The following GDPD5 variants were observed in gnomAD, a reference collection of about 807,000 sequenced individuals.
GDPD5 encodes glycerophosphodiester phosphodiesterase 2.
Under a neutral mutation model 75.1 loss-of-function variants are expected in GDPD5, and 48 were observed. The observed-to-expected ratio is 0.64, with a 90% CI of 0.51 to 0.81. The LOEUF (loss-of-function observed/expected upper bound fraction) is 0.81. GDPD5 is among the 40% of genes least tolerant of loss of function. The pLI, the probability that GDPD5 is intolerant of heterozygous loss-of-function variation, is 0.00. For synonymous variants in GDPD5, 336 were observed against 339.0 expected (o/e 0.99, Z 0.10); for missense variants, 706 against 822.6 (o/e 0.86, Z 1.73).
intron 2 of GDPD5, among the ~76,000 whole-genome samples, chr11:75,485,137 G>T (rs1322859607): frequency 2.0e-5 from 3 of 152,180 alleles, no homozygotes; most frequent in Non-Finnish European, 4.4e-5. Context: ...TTCTAGAAAA[G>T]GCAAAACTAT....
intron 1 of GDPD5, among the ~76,000 whole-genome samples, chr11:75,498,524 C>T (rs1429678221): frequency 1.1e-4 from 6 of 54,144 alleles, no homozygotes; most frequent in Non-Finnish European, 1.7e-4. Flanking sequence ...TGATGCCCTC[C>T]GGGCTGGGTG....
At chr11:75,495,586 T>C (rs1411082212) in intron 1 of GDPD5, among the ~76,000 whole-genome samples, 1 of 152,226 alleles carries the variant, frequency 6.6e-6, no homozygotes, top group African/African-American at 2.4e-5. Flanking sequence ...TCACTCGCAG[T>C]CAAATAAAAC....
chr11:75,512,679 G>T (rs1426440767), intron 1 of GDPD5, among the ~76,000 whole-genome samples: 1 of 152,190 alleles, frequency 6.6e-6, no homozygotes, highest in Admixed American at 6.5e-5. Flanking sequence ...ACTTTGGGAG[G>T]CCGAGGCAGG....
chr11:75,497,486 G>T (rs1950232191), intron 1 of GDPD5, among the ~76,000 whole-genome samples: 1 of 152,150 alleles, frequency 6.6e-6, no homozygotes, highest in Admixed American at 6.5e-5. Context: ...CTCCTGGACA[G>T]TGAGGGGGCT....
chr11:75,482,453 G>A (rs920714634), intron 2 of GDPD5, among the ~76,000 whole-genome samples: 3 of 152,198 alleles, frequency 2.0e-5, no homozygotes, highest in African/African-American at 2.4e-5. Context: ...TGTCTCCAGC[G>A]GTGTCACCCA....
intron 1 of GDPD5, among the ~76,000 whole-genome samples, chr11:75,494,866 C>T (rs569511345): frequency 5.9e-5 from 9 of 151,974 alleles, no homozygotes; most frequent in South Asian, 4.2e-4. Flanking sequence ...GCAGGAGAAT[C>T]GCTTGAATCA....
intron 1 of GDPD5, among the ~76,000 whole-genome samples, chr11:75,509,826 C>A (rs1006385158): frequency 6.6e-6 from 1 of 152,150 alleles, no homozygotes; most frequent in Admixed American, 6.5e-5. Flanking sequence ...ATTACAGGCA[C>A]GCACCACCAA....
chr11:75,459,623 C>T (rs532828832), intron 4 of GDPD5, among the ~76,000 whole-genome samples: 17 of 151,994 alleles, frequency 1.1e-4, no homozygotes, highest in Non-Finnish European at 2.1e-4. Flanking sequence ...GAGATCAAGA[C>T]CACGGTGAAA....
chr11:75,505,450 TCA>T (rs1950377351), intron 1 of GDPD5, among the ~76,000 whole-genome samples: 1 of 151,716 alleles, frequency 6.6e-6, no homozygotes, highest in Non-Finnish European at 1.5e-5. Context: ...CCAGGCCCAC[TCA>T]CTGCATGACC....
intron 1 of GDPD5, among the ~76,000 whole-genome samples, chr11:75,507,740 C>T (rs894213512): frequency 1.3e-5 from 2 of 152,246 alleles, no homozygotes; most frequent in African/African-American, 2.4e-5. Flanking sequence ...CTGACCCTGT[C>T]AGATGCTGGG....
intron 1 of GDPD5, among the ~76,000 whole-genome samples, chr11:75,495,033 C>G (rs534924052): frequency 6.6e-6 from 1 of 151,450 alleles, no homozygotes; most frequent in East Asian, 1.9e-4. Flanking sequence ...TTTGGGAGAC[C>G]GAGGCGGGCA....
At chr11:75,481,144 A>G (rs1161563870) in intron 2 of GDPD5, among the ~76,000 whole-genome samples, 1 of 152,176 alleles carries the variant, frequency 6.6e-6, no homozygotes, top group Non-Finnish European at 1.5e-5. Context: ...GGAGGGTCAG[A>G]GTATGCTCCC....
chr11:75,520,272 G>A (rs921651817), intron 1 of GDPD5, among the ~76,000 whole-genome samples: 2 of 152,230 alleles, frequency 1.3e-5, no homozygotes, highest in Admixed American at 1.3e-4. Context: ...GAAGACTCAT[G>A]CTGATGGAGT....
chr11:75,470,620 AT>A (rs1242718441), intron 3 of GDPD5, among the ~76,000 whole-genome samples: 1 of 152,222 alleles, frequency 6.6e-6, no homozygotes, highest in Non-Finnish European at 1.5e-5. Context: ...GAAGACTAGA[AT>A]TTCTTTTACA....
At position 75,441,797 on chromosome 11, in the gene GDPD5, A is replaced by C; in HGVS notation, c.1174T>G (p.Trp392Gly). Residue 392 changes from tryptophan to glycine, a missense_variant, in exon 13 of 17, where the codon TGG (tryptophan) becomes GGG (glycine). Transcript: ENST00000336898. ...HSGFPQHQVM[W>G]LPSRQRPLVR... is the part of the protein sequence containing the mutation. The stretch of plus-strand genomic sequence containing the variant: ...AGGGGCCTCTGCCTGCTAGGCAGCC[A>C]CATGACCTGCAGGCAGAAGAGAGGC... The C allele has an allele frequency of 6.2e-7, 1 of 1,607,926 alleles. No individual in the cohort carries two copies. Among genetic ancestry groups the C allele is most frequent in the Non-Finnish European group, 8.5e-7 (1 of 1,179,384 alleles).
chr11:75,440,483 C>T, intron 14 of GDPD5, among the ~76,000 whole-genome samples: 1 of 152,216 alleles, frequency 6.6e-6, no homozygotes. Context: ...GGAGCCACCA[C>T]CTATCTGCAG....
chr11:75,444,247 T>A (rs1441542407), intron 10 of GDPD5, among the ~76,000 whole-genome samples, 166 bp downstream of exon 10: 1 of 152,152 alleles, frequency 6.6e-6, no homozygotes, highest in Non-Finnish European at 1.5e-5. Flanking sequence ...CTATTTTACA[T>A]CCTGGAGTCT....
intron 9 of GDPD5, among the ~76,000 whole-genome samples, chr11:75,446,727 C>T (rs1180678925): frequency 6.6e-6 from 1 of 152,126 alleles, no homozygotes; most frequent in African/African-American, 2.4e-5. Context: ...CAGAGCCCCC[C>T]AAGGCAATGC....
intron 6 of GDPD5, chr11:75,452,794 C>T (rs1467632041): frequency 6.6e-6 from 1 of 152,318 alleles, no homozygotes; most frequent in Non-Finnish European, 1.5e-5. Context: ...AAGCCCCAGC[C>T]CCAGCCCAGC....
Sources: gnomAD v4.1 joint callset for allele counts (sites outside exome capture counted in the v4.1 genomes callset) on GRCh38, gnomAD v4.1.1 for gene constraint, MANE v1.5 for transcripts, NCBI Gene and HGNC (gene_info 2026-07-23, HGNC 2026-07-21) for gene names.